The following KDM4C variants were observed in gnomAD, a reference collection of about 807,000 sequenced individuals.
KDM4C encodes lysine-specific demethylase 4C.
In KDM4C, 81 loss-of-function variants were observed where a neutral mutation model predicts 129.3. The ratio of observed to expected loss-of-function variants is 0.63; its 90% CI spans 0.52 to 0.75. The LOEUF is 0.75. KDM4C is among the 30% of genes least tolerant of loss of function. The pLI is 0.00. For missense variants in KDM4C, 1,457 were observed against 1,304.0 expected (o/e 1.12, Z -1.81); for synonymous variants, 573 against 456.1 (o/e 1.26, Z -3.26).
intron 19 of KDM4C, among the ~76,000 whole-genome samples, chr9:7,152,762 C>T (rs892467978): frequency 2.0e-5 from 3 of 152,068 alleles, no homozygotes; most frequent in African/African-American, 7.2e-5. Flanking sequence ...TGGAAGGAGG[C>T]GAAGGAACAT....
chr9:7,117,450 C>T (rs1013108209), intron 18 of KDM4C, among the ~76,000 whole-genome samples: 2 of 152,066 alleles, frequency 1.3e-5, no homozygotes, highest in African/African-American at 4.8e-5. Flanking sequence ...GAAAGTGTCC[C>T]ATCAGACGTC....
At chr9:6,939,493 A>G (rs1825446764) in intron 8 of KDM4C, among the ~76,000 whole-genome samples, 1 of 152,196 alleles carries the variant, frequency 6.6e-6, no homozygotes, top group Non-Finnish European at 1.5e-5. Flanking sequence ...TGCTTAAATC[A>G]TCCCCAAACC....
intron 8 of KDM4C, among the ~76,000 whole-genome samples, chr9:6,908,275 T>C (rs1380307650): frequency 1.3e-5 from 2 of 152,328 alleles, no homozygotes; most frequent in East Asian, 3.9e-4. Flanking sequence ...TTTTGTGAAA[T>C]GAGGTTATAA....
intron 15 of KDM4C, 116 bp downstream of exon 15, chr9:7,016,045 C>A (rs1422539756): frequency 6.8e-6 from 4 of 590,112 alleles, no homozygotes; most frequent in Non-Finnish European, 1.2e-5. Context: ...CAGTTCTGCA[C>A]TTCCTTGTGT....
rs139117674 is a variant in KDM4C, at chr9:6,825,068, C to T, written c.435+10323C>T. On this transcript the variant is annotated intron_variant, in intron 4 of 21. Coordinates refer to ENST00000381309, the MANE Select transcript of KDM4C (RefSeq NM_015061.6). ...GGCAGAGTCAAGAGAATTGCTCAAA[C>T]CCAAGAGGCAGAGGTTGCAGTGAGC... Among the ~76,000 whole-genome samples, 798 of 150,156 alleles carry T rather than the reference C, an allele frequency of 5.3e-3. 7 individuals carry two copies. The highest frequency in any genetic ancestry group is 0.019 in the African/African-American group (774 of 40,690).
intron 12 of KDM4C, among the ~76,000 whole-genome samples, chr9:6,993,170 G>C (rs1331227659): frequency 1.3e-5 from 2 of 152,138 alleles, no homozygotes; most frequent in Non-Finnish European, 2.9e-5. Flanking sequence ...CATGAAAGTT[G>C]GTGGTGGTGG....
upstream of KDM4C, among the ~76,000 whole-genome samples, chr9:6,755,821 A>T (rs1432159620): frequency 6.6e-6 from 1 of 152,210 alleles, no homozygotes; most frequent in African/African-American, 2.4e-5. Flanking sequence ...CCATGAGTCC[A>T]GTTGATTTTC....
chr9:7,009,637 A>T (rs1016267898), intron 12 of KDM4C, among the ~76,000 whole-genome samples: 1 of 152,214 alleles, frequency 6.6e-6, no homozygotes. Context: ...CTACTTTCGT[A>T]TCACCGTTAC....
intron 12 of KDM4C, among the ~76,000 whole-genome samples, chr9:7,009,619 A>G (rs1216073869): frequency 6.6e-6 from 1 of 152,092 alleles, no homozygotes; most frequent in Non-Finnish European, 1.5e-5. Flanking sequence ...CAACAATTTT[A>G]CTCTCTACTA....
chr9:6,783,896 TCTCTGTTGGGGTTTGTCTG>T lies in KDM4C; in HGVS notation c.-17-9075_-17-9057del, dbSNP rs1824903419. 3.3e-5 allele frequency among the ~76,000 whole-genome samples: 5 copies of T among 152,292 alleles called. No homozygotes were observed. The South Asian group carries it at 8.3e-4, about 25-fold the overall frequency. On this transcript the variant is annotated intron_variant, in intron 1 of 21. Coordinates refer to ENST00000381309, the MANE Select transcript of KDM4C (RefSeq NM_015061.6). ...AGGTGAACTGACAAAGAAACCCCGT[TCTCTGTTGGGGTTTGTCTG>T]TGAGAGGCTGGGGAGAGAAGGCTGT...
At chr9:7,105,014 T>G (rs1393260766) in intron 18 of KDM4C, among the ~76,000 whole-genome samples, 1 of 152,260 alleles carries the variant, frequency 6.6e-6, no homozygotes, top group African/African-American at 2.4e-5. Context: ...TTGTCTTATT[T>G]TTTCATTGTT....
At chr9:6,852,863 C>T (rs907490401) in intron 5 of KDM4C, among the ~76,000 whole-genome samples, 2 of 152,110 alleles carry the variant, frequency 1.3e-5, no homozygotes, top group Non-Finnish European at 2.9e-5. Flanking sequence ...TGCTTAAAGA[C>T]TCTCTGGACT....
intron 1 of KDM4C, among the ~76,000 whole-genome samples, chr9:6,785,009 G>A (rs945401661): frequency 6.6e-6 from 1 of 152,184 alleles, no homozygotes; most frequent in South Asian, 2.1e-4. Flanking sequence ...ATTGGAGAAC[G>A]TGGTCCTCTT....
intron 18 of KDM4C, among the ~76,000 whole-genome samples, chr9:7,108,897 C>T (rs1838004677): frequency 6.6e-6 from 1 of 152,034 alleles, no homozygotes; most frequent in East Asian, 1.9e-4. Flanking sequence ...TGAGAAAATA[C>T]TTAATGAAAA....
At chr9:7,170,807 G>T in intron 21 of KDM4C, 1 of 976,152 alleles carries the variant, frequency 1.0e-6, no homozygotes, top group Non-Finnish European at 1.2e-6. Context: ...AAAACCAAGG[G>T]TTTTCTTAAA....
Position 7,064,816 on chromosome 9 carries a change from ATTATTATC to A in KDM4C, c.2424+15617_2424+15624del, listed in dbSNP as rs964087270. ...GACTGAAGGTATGTGATGTTCAGTT[ATTATTATC>A]AGGGGACAGTGAACAACTGTCTTCT... is the stretch of plus-strand genomic sequence containing the variant. On this transcript the variant is annotated intron_variant, in intron 17 of 21. Transcript: ENST00000381309. Among the ~76,000 whole-genome samples, 16 of 152,134 alleles carry A rather than the reference ATTATTATC, an allele frequency of 1.1e-4. 1 individual carries two copies. The highest frequency in any genetic ancestry group is 8.5e-4 in the Admixed American group (13 of 15,224).
Position 7,001,731 on chromosome 9 carries a change from TC to T in KDM4C, c.1787-9966del, listed in dbSNP as rs200500604. Among the ~76,000 whole-genome samples, 170 of 147,606 alleles carry T rather than the reference TC, an allele frequency of 1.2e-3. 1 individual carries two copies. Among genetic ancestry groups the T allele is most frequent in the Non-Finnish European group, 1.4e-3 (90 of 66,292 alleles). Reference sequence around the variant, plus strand: ...TTTACATAGATGACCAAAGCTGACATCTTTTTTTTTTTGGTATGGGGAGCTT... The same window carrying T: ...TTTACATAGATGACCAAAGCTGACATTTTTTTTTTTTGGTATGGGGAGCTT... On this transcript the variant is annotated intron_variant, in intron 12 of 21. Coordinates refer to ENST00000381309, the MANE Select transcript of KDM4C (RefSeq NM_015061.6).
At chr9:6,854,351 C>T (rs1011667657) in intron 5 of KDM4C, among the ~76,000 whole-genome samples, 8 of 151,772 alleles carry the variant, frequency 5.3e-5, no homozygotes, top group African/African-American at 1.7e-4. Flanking sequence ...CATGAAGAAA[C>T]CCCGTCTCTA....
intron 18 of KDM4C, among the ~76,000 whole-genome samples, chr9:7,111,951 A>G (rs1838367981): frequency 6.6e-6 from 1 of 151,974 alleles, no homozygotes; most frequent in African/African-American, 2.4e-5. Flanking sequence ...CATGGTGAGG[A>G]GAAGATTGTT....
Sources: gnomAD v4.1 joint callset for allele counts (sites outside exome capture counted in the v4.1 genomes callset) on GRCh38, gnomAD v4.1.1 for gene constraint, MANE v1.5 for transcripts, NCBI Gene and HGNC (gene_info 2026-07-23, HGNC 2026-07-21) for gene names.